The following SAMD12 variants were observed in gnomAD, a reference collection of about 807,000 sequenced individuals.
SAMD12 encodes the protein sterile alpha motif domain containing 12.
Under a neutral mutation model 15.0 loss-of-function variants are expected in SAMD12, and 9 were observed. The ratio of observed to expected loss-of-function variants is 0.60; its 90% CI spans 0.36 to 1.05. The LOEUF (loss-of-function observed/expected upper bound fraction) is 1.05. Among genes scored for constraint, SAMD12 ranks in the 50% least tolerant of loss-of-function variants. The pLI, the probability that SAMD12 is intolerant of heterozygous loss-of-function variation, is 0.01. For synonymous variants in SAMD12, 86 were observed against 90.1 expected (o/e 0.96, Z 0.25); for missense variants, 230 against 234.2 (o/e 0.98, Z 0.12).
chr8:118,250,576 C>G (rs2130011529), intron 4 of SAMD12, among the ~76,000 whole-genome samples: 1 of 151,298 alleles, frequency 6.6e-6, no homozygotes, highest in East Asian at 1.9e-4. Context: ...AATCTTGGCT[C>G]ACTGCAACCT....
chr8:118,333,592 A>G (rs1387682341), intron 4 of SAMD12, among the ~76,000 whole-genome samples: 1 of 151,554 alleles, frequency 6.6e-6, no homozygotes, highest in African/African-American at 2.4e-5. Flanking sequence ...GCCAAGAAGG[A>G]GTGTCCCATT....
intron 4 of SAMD12, among the ~76,000 whole-genome samples, chr8:118,294,773 T>C (rs1814618372): frequency 1.3e-5 from 2 of 152,256 alleles, no homozygotes; most frequent in African/African-American, 4.8e-5. Flanking sequence ...CGAAAAGTGA[T>C]ACTTCGTACA....
intron 4 of SAMD12, among the ~76,000 whole-genome samples, chr8:118,303,231 T>C (rs1483754784): frequency 1.3e-5 from 2 of 152,224 alleles, no homozygotes; most frequent in Non-Finnish European, 2.9e-5. Flanking sequence ...TTAAAGGGCC[T>C]GAGGTCTCTT....
chr8:118,620,591 T>C (rs1200712322), intron 1 of SAMD12, among the ~76,000 whole-genome samples: 2 of 151,792 alleles, frequency 1.3e-5, no homozygotes, highest in Non-Finnish European at 2.9e-5. Flanking sequence ...GTTTCCCGAG[T>C]TTATGGGTGC....
chr8:118,250,677 T>A (rs1186276745), intron 4 of SAMD12, among the ~76,000 whole-genome samples: 1 of 150,762 alleles, frequency 6.6e-6, no homozygotes, highest in African/African-American at 2.4e-5. Context: ...TATTTATTTA[T>A]TTTTTTTTAT....
intron 4 of SAMD12, among the ~76,000 whole-genome samples, chr8:118,357,064 A>C (rs1818264972): frequency 6.6e-6 from 1 of 152,228 alleles, no homozygotes; most frequent in East Asian, 1.9e-4. Flanking sequence ...CACAGCTGTC[A>C]GTACAATCTT....
chr8:118,207,167 T>A (rs943832504), intron 4 of SAMD12, among the ~76,000 whole-genome samples: 2 of 152,230 alleles, frequency 1.3e-5, no homozygotes, highest in Non-Finnish European at 2.9e-5. Flanking sequence ...TTAACTCCAG[T>A]CTCTGGGGAA....
intron 4 of SAMD12, among the ~76,000 whole-genome samples, chr8:118,216,615 G>T (rs1045553259): frequency 6.6e-6 from 1 of 152,182 alleles, no homozygotes; most frequent in African/African-American, 2.4e-5. Context: ...AAGACCTACA[G>T]ATAATATCAA....
At chr8:118,357,538 GT>G (rs1818292407) in intron 4 of SAMD12, among the ~76,000 whole-genome samples, 1 of 152,138 alleles carries the variant, frequency 6.6e-6, no homozygotes, top group Admixed American at 6.6e-5. Flanking sequence ...GCCTAAAAGT[GT>G]AGATTTTAAA....
chr8:118,142,323 G>A, the SAMD12 span, among the ~76,000 whole-genome samples: 1 of 152,148 alleles, frequency 6.6e-6, no homozygotes, highest in East Asian at 1.9e-4. Context: ...TTACCTCTAC[G>A]AAAAGTCTAT....
intron 2 of SAMD12, among the ~76,000 whole-genome samples, chr8:118,550,954 G>C (rs915842862): frequency 3.3e-4 from 50 of 150,864 alleles, no homozygotes; most frequent in Non-Finnish European, 6.8e-4. Context: ...AATGGTAAAG[G>C]GATCAATTCA....
intron 4 of SAMD12, among the ~76,000 whole-genome samples, chr8:118,285,526 C>T (rs540981474): frequency 3.0e-4 from 45 of 152,280 alleles, no homozygotes; most frequent in Non-Finnish European, 5.3e-4. Context: ...GACCTCTTTC[C>T]CACCCCACTG....
downstream of SAMD12, among the ~76,000 whole-genome samples, chr8:118,185,908 C>A (rs1201673571): frequency 6.6e-6 from 1 of 152,164 alleles, no homozygotes; most frequent in Non-Finnish European, 1.5e-5. Context: ...CCATCTGTGG[C>A]ACCACTTCTT....
chr8:118,253,684 T>C (rs1184971760), intron 4 of SAMD12, among the ~76,000 whole-genome samples: 4 of 152,176 alleles, frequency 2.6e-5, no homozygotes, highest in African/African-American at 9.6e-5. Context: ...GTTTAGTGTG[T>C]GTTCAGTTAG....
intron 4 of SAMD12, among the ~76,000 whole-genome samples, chr8:118,203,810 C>T (rs527603667): frequency 6.6e-6 from 1 of 150,442 alleles, no homozygotes; most frequent in African/African-American, 2.4e-5. Context: ...CAATTCCCAC[C>T]TATGAGTGAG....
At chr8:118,281,077 C>T (rs1428259624) in intron 4 of SAMD12, among the ~76,000 whole-genome samples, 1 of 150,100 alleles carries the variant, frequency 6.7e-6, no homozygotes, top group Non-Finnish European at 1.5e-5. Context: ...GCTAGTTGTA[C>T]TAGCAAGGAA....
At chr8:118,229,780 C>A (rs1366317867) in intron 4 of SAMD12, among the ~76,000 whole-genome samples, 1 of 152,094 alleles carries the variant, frequency 6.6e-6, no homozygotes, top group African/African-American at 2.4e-5. Flanking sequence ...CATAGAATTC[C>A]CCTATAAGAA....
intron 2 of SAMD12, among the ~76,000 whole-genome samples, chr8:118,558,273 G>A (rs1487164620): frequency 6.6e-6 from 1 of 151,994 alleles, no homozygotes. Flanking sequence ...TCTTTATTTT[G>A]TTATTCATAT....
At chr8:118,480,499 CTA>C (rs1162165374) in intron 2 of SAMD12, among the ~76,000 whole-genome samples, 1 of 152,180 alleles carries the variant, frequency 6.6e-6, no homozygotes, top group East Asian at 1.9e-4. Context: ...ATGTCAGGCA[CTA>C]TGTTTGGACC....
Sources: gnomAD v4.1 joint callset for allele counts (sites outside exome capture counted in the v4.1 genomes callset) on GRCh38, gnomAD v4.1.1 for gene constraint, MANE v1.5 for transcripts, NCBI Gene and HGNC (gene_info 2026-07-23, HGNC 2026-07-21) for gene names.